Variants in ERBIN observed in about 807,000 individuals in gnomAD.
ERBIN encodes densin-180-like protein.
Under a neutral mutation model 158.4 loss-of-function variants are expected in ERBIN, and 60 were observed. That is an observed-to-expected ratio of 0.38 (90% CI 0.31 to 0.47). The LOEUF (loss-of-function observed/expected upper bound fraction) is 0.47, where lower values mean the gene tolerates loss of function less well. Ranked by LOEUF, ERBIN falls within the 20% of genes least tolerant of loss-of-function variation. The pLI, the probability that ERBIN is intolerant of heterozygous loss-of-function variation, is 0.99. For missense variants in ERBIN, 1,610 were observed against 1,648.0 expected, an observed-to-expected ratio of 0.98 and a Z score of 0.40; for synonymous variants, 594 against 557.2, an observed-to-expected ratio of 1.07 and a Z score of -0.93.
At chr5:66,064,669 A>C (rs1165214798) in intron 21 of ERBIN, among the ~76,000 whole-genome samples, 1 of 152,186 alleles carries the variant, frequency 6.6e-6, no homozygotes, top group African/African-American at 2.4e-5. Flanking sequence ...AATTGATAAG[A>C]AGTAGCTTAG....
chr5:66,078,550 C>A lies in ERBIN; in HGVS notation c.*20C>A. 2 of 1,430,854 alleles carry A rather than the reference C, an allele frequency of 1.4e-6. No homozygotes were observed. The highest frequency in any genetic ancestry group is 2.0e-6 in the Non-Finnish European group (2 of 1,017,422). 88.6% of individuals were successfully genotyped at this position (1,430,854 alleles called of 1,614,324 possible). On this transcript the variant is annotated 3_prime_UTR_variant, in exon 26 of 26. Transcript: ENST00000284037. Reference sequence around the variant, plus strand: ...TCATAAGCACTGTGGACAAAAAAAGCGGGGAAGACAGCAAGATTTATTGGA... The same window carrying A: ...TCATAAGCACTGTGGACAAAAAAAGAGGGGAAGACAGCAAGATTTATTGGA...
intron 1 of ERBIN, among the ~76,000 whole-genome samples, chr5:65,931,512 T>C (rs529644449): frequency 2.6e-4 from 39 of 152,360 alleles, no homozygotes; most frequent in African/African-American, 9.4e-4. Flanking sequence ...TCTCAGACTT[T>C]TTGGTTTGAC....
intron 12 of ERBIN, 35 bp from the exon 13 acceptor site, chr5:66,026,267 A>G: frequency 6.9e-7 from 1 of 1,440,648 alleles, no homozygotes; most frequent in Non-Finnish European, 9.4e-7. Context: ...CTGTAGGCCA[A>G]ATTTTTTGAT....
intron 4 of ERBIN, among the ~76,000 whole-genome samples, chr5:65,997,213 C>CA (rs1580296221): frequency 6.6e-6 from 1 of 152,146 alleles, no homozygotes; most frequent in Non-Finnish European, 1.5e-5. Flanking sequence ...TTCAACTTTT[C>CA]ATTGTTAAGT....
chr5:65,994,862 A>C lies in ERBIN; in HGVS notation c.305A>C (p.Asn102Thr). The change falls in exon 4 of 26, where the codon AAT (asparagine) becomes ACT (threonine). Residue 102 changes from asparagine to threonine, a missense_variant and splice_region_variant. Asn to Thr is a moderately conservative substitution (Grantham distance 65). This residue lies in a region of ERBIN where 596 missense variants were observed against 711.9 expected (regional missense o/e 0.84). Transcript: ENST00000284037. ...CTCAGGGAACTGGATGTCAGCAAGA[A>C]TGGTAAGGCTTTTTTTGCCCATAAT... is the stretch of plus-strand genomic sequence containing the variant. ...INLRELDVSK[N>T]GIQEFPENIK... 1 of 1,582,152 alleles carries C rather than the reference A, an allele frequency of 6.3e-7. No individual in the cohort carries two copies. Among genetic ancestry groups the C allele is most frequent in the Non-Finnish European group, 8.6e-7 (1 of 1,162,194 alleles).
At chr5:66,035,495 T>A (rs1476428210) in intron 14 of ERBIN, among the ~76,000 whole-genome samples, 2 of 152,150 alleles carry the variant, frequency 1.3e-5, no homozygotes, top group African/African-American at 2.4e-5. Flanking sequence ...TCCTAGTGTT[T>A]GTGTATTTTG....
intron 7 of ERBIN, among the ~76,000 whole-genome samples, chr5:66,015,735 G>A (rs1754646462): frequency 6.6e-6 from 1 of 152,140 alleles, no homozygotes; most frequent in African/African-American, 2.4e-5. Flanking sequence ...TACTCTGGAG[G>A]CTGAGGAGTG....
intron 5 of ERBIN, among the ~76,000 whole-genome samples, chr5:66,013,112 T>C (rs73766316): frequency 0.04 from 6,131 of 152,232 alleles, 422 homozygotes; most frequent in African/African-American, 0.14. Context: ...AAACATCCTA[T>C]AGTGCACAGG....
intron 14 of ERBIN, among the ~76,000 whole-genome samples, chr5:66,033,882 G>T (rs1265989455): frequency 6.6e-6 from 1 of 152,164 alleles, no homozygotes; most frequent in Admixed American, 6.5e-5. Flanking sequence ...GCCGAGGCGG[G>T]TGGATCACCT....
chr5:65,948,029 TTAAA>T (rs1253676935), intron 1 of ERBIN, among the ~76,000 whole-genome samples: 1 of 149,368 alleles, frequency 6.7e-6, no homozygotes, highest in Non-Finnish European at 1.5e-5. Context: ...AAAAAAAATC[TTAAA>T]TAATTTCTAA....
chr5:65,961,168 C>T (rs1747864393), intron 1 of ERBIN: 1 of 152,154 alleles, frequency 6.6e-6, no homozygotes, highest in Non-Finnish European at 1.5e-5. Context: ...GAACTTTTCT[C>T]TTTTTTTGCT....
chr5:66,032,718 C>T (rs934287655), intron 14 of ERBIN, among the ~76,000 whole-genome samples: 1 of 152,084 alleles, frequency 6.6e-6, no homozygotes, highest in Non-Finnish European at 1.5e-5. Context: ...TTGTCATACT[C>T]TAGGCAACAG....
intron 1 of ERBIN, among the ~76,000 whole-genome samples, chr5:65,942,992 C>G (rs1345289828): frequency 6.6e-6 from 1 of 151,900 alleles, no homozygotes; most frequent in African/African-American, 2.4e-5. Context: ...TAAAAAATTC[C>G]CAAACCCTCC....
chr5:65,939,392 G>T (rs1295105693), intron 1 of ERBIN, among the ~76,000 whole-genome samples: 1 of 152,142 alleles, frequency 6.6e-6, no homozygotes, highest in Non-Finnish European at 1.5e-5. Context: ...AGCCGAGGTT[G>T]CGCCACTGCA....
intron 1 of ERBIN, among the ~76,000 whole-genome samples, chr5:65,952,994 C>T (rs1175420816): frequency 6.6e-6 from 1 of 152,136 alleles, no homozygotes; most frequent in Non-Finnish European, 1.5e-5. Context: ...CGTAAGTATA[C>T]CATAATAAGA....
intron 14 of ERBIN, among the ~76,000 whole-genome samples, chr5:66,032,939 AAT>A (rs1757037954): frequency 6.6e-6 from 1 of 152,222 alleles, no homozygotes; most frequent in African/African-American, 2.4e-5. Flanking sequence ...AAATGAAAGA[AAT>A]ATGTTTATGG....
chr5:66,016,320 C>G (rs1473642360), intron 7 of ERBIN, among the ~76,000 whole-genome samples: 2 of 152,108 alleles, frequency 1.3e-5, no homozygotes, highest in African/African-American at 4.8e-5. Flanking sequence ...ATAGCTAAGC[C>G]TATAATTACT....
intron 21 of ERBIN, among the ~76,000 whole-genome samples, chr5:66,059,253 A>G (rs1478977255): frequency 2.0e-5 from 3 of 152,124 alleles, no homozygotes; most frequent in Non-Finnish European, 4.4e-5. Context: ...GGTCCTTCAC[A>G]TCCCTTGTAA....
At chr5:65,931,821 T>TC (rs1305923087) in intron 1 of ERBIN, among the ~76,000 whole-genome samples, 1 of 142,576 alleles carries the variant, frequency 7.0e-6, no homozygotes, top group Admixed American at 6.8e-5. Flanking sequence ...TTTTCTTTCT[T>TC]TTTTTTTTTT....
Sources: allele counts gnomAD v4.1 joint callset (sites outside exome capture counted in the v4.1 genomes callset), GRCh38; gene constraint gnomAD v4.1.1; regional missense constraint gnomAD v4.1.1; transcripts MANE v1.5; gene names NCBI Gene and HGNC (gene_info 2026-07-23, HGNC 2026-07-21).